The following NT5C2 variants were observed in gnomAD, a reference collection of about 807,000 sequenced individuals.
NT5C2 encodes cytosolic purine 5'-nucleotidase.
In NT5C2, 58 loss-of-function variants were observed where a neutral mutation model predicts 76.1. The ratio of observed to expected loss-of-function variants is 0.76; its 90% CI spans 0.62 to 0.95. The LOEUF (loss-of-function observed/expected upper bound fraction) is 0.95. Among genes scored for constraint, NT5C2 ranks in the 40% least tolerant of loss-of-function variants. NT5C2 has a pLI of 0.00. For synonymous variants in NT5C2, 229 were observed against 237.4 expected, an observed-to-expected ratio of 0.96 and a Z score of 0.32; for missense variants, 478 against 690.3, an observed-to-expected ratio of 0.69 and a Z score of 3.45.
At chr10:103,154,149 A>G (rs1365359342) in intron 3 of NT5C2, among the ~76,000 whole-genome samples, 2 of 152,208 alleles carry the variant, frequency 1.3e-5, no homozygotes, top group Non-Finnish European at 2.9e-5. Context: ...GCAACAGGGG[A>G]AGAAATAAAT....
intron 1 of NT5C2, among the ~76,000 whole-genome samples, chr10:103,190,323 TCA>T (rs2092541413): frequency 1.3e-5 from 2 of 152,296 alleles, no homozygotes; most frequent in Non-Finnish European, 2.9e-5. Context: ...CAGTTTTATC[TCA>T]GACTACTGCT....
intron 8 of NT5C2, chr10:103,100,667 C>A (rs2069360413): frequency 6.3e-6 from 3 of 476,606 alleles, no homozygotes; most frequent in African/African-American, 5.9e-5. Context: ...AATTACCATC[C>A]CTGAATGGCT....
chr10:103,101,138 T>C, intron 7 of NT5C2, 36 bp from the exon 8 acceptor site: 1 of 1,525,216 alleles, frequency 6.6e-7, no homozygotes, highest in Non-Finnish European at 9.1e-7. Context: ...TAAGCTATAA[T>C]GAAATAATTC....
chr10:103,170,026 G>A (rs940646994), intron 3 of NT5C2, among the ~76,000 whole-genome samples: 1 of 152,164 alleles, frequency 6.6e-6, no homozygotes, highest in Admixed American at 6.5e-5. Flanking sequence ...AGAGGCTGAA[G>A]CAGGAGAGTT....
intron 3 of NT5C2, among the ~76,000 whole-genome samples, chr10:103,172,315 C>T (rs1210546690): frequency 1.4e-5 from 2 of 142,332 alleles, no homozygotes; most frequent in South Asian, 2.2e-4. Flanking sequence ...GTGGTGTGAT[C>T]GCAGCTCACT....
At chr10:103,118,501 C>T (rs1476970167) in intron 4 of NT5C2, among the ~76,000 whole-genome samples, 4 of 151,940 alleles carry the variant, frequency 2.6e-5, no homozygotes, top group Admixed American at 6.6e-5. Flanking sequence ...GGATTACAGA[C>T]GTGCACCACG....
intron 3 of NT5C2, among the ~76,000 whole-genome samples, chr10:103,147,069 T>C (rs936825087): frequency 6.6e-6 from 1 of 152,250 alleles, no homozygotes; most frequent in African/African-American, 2.4e-5. Flanking sequence ...TGAAATTCAT[T>C]TTTATTTTAT....
At chr10:103,121,361 A>G (rs2075627522) in intron 4 of NT5C2, among the ~76,000 whole-genome samples, 2 of 152,218 alleles carry the variant, frequency 1.3e-5, no homozygotes, top group East Asian at 1.9e-4. Flanking sequence ...ATACTGCATA[A>G]TATTTCTTGC....
At chr10:103,106,484 T>G in intron 5 of NT5C2, 105 bp downstream of exon 5, 1 of 728,162 alleles carries the variant, frequency 1.4e-6, no homozygotes, top group Non-Finnish European at 2.4e-6. Context: ...TTATTCAATG[T>G]TTTGGGGGGT....
intron 4 of NT5C2, among the ~76,000 whole-genome samples, chr10:103,127,781 C>T (rs978428745): frequency 3.3e-5 from 5 of 152,158 alleles, no homozygotes; most frequent in Non-Finnish European, 7.4e-5. Context: ...TGGTCTCGAT[C>T]TCCTGACCTT....
chr10:103,189,414 T>C (rs1033893169), intron 1 of NT5C2, among the ~76,000 whole-genome samples: 8 of 152,028 alleles, frequency 5.3e-5, no homozygotes, highest in African/African-American at 1.9e-4. Context: ...GAGACCATCC[T>C]GGCCAACATG....
chr10:103,096,586 C>T (rs993832606), intron 11 of NT5C2, among the ~76,000 whole-genome samples: 1 of 152,092 alleles, frequency 6.6e-6, no homozygotes, highest in Non-Finnish European at 1.5e-5. Flanking sequence ...TGACTCACGC[C>T]TGTAATCCCA....
At chr10:103,156,226 T>C (rs1489815388) in intron 3 of NT5C2, among the ~76,000 whole-genome samples, 1 of 152,148 alleles carries the variant, frequency 6.6e-6, no homozygotes, top group Non-Finnish European at 1.5e-5. Context: ...GGGATACTGC[T>C]GTAATCTAGG....
intron 4 of NT5C2, among the ~76,000 whole-genome samples, chr10:103,135,139 G>A (rs1565130714): frequency 6.6e-6 from 1 of 152,214 alleles, no homozygotes; most frequent in Non-Finnish European, 1.5e-5. Context: ...AAGACTTTGG[G>A]GGACTGTTGG....
chr10:103,094,088 C>A, intron 13 of NT5C2, 50 bp from the exon 14 acceptor site: 1 of 1,473,946 alleles, frequency 6.8e-7, no homozygotes, highest in Non-Finnish European at 9.5e-7. Context: ...TATCACAATC[C>A]TCCCCTCACC....
At chr10:103,126,253 T>C (rs1357448305) in intron 4 of NT5C2, among the ~76,000 whole-genome samples, 4 of 152,100 alleles carry the variant, frequency 2.6e-5, no homozygotes, top group Admixed American at 6.5e-5. Flanking sequence ...CTGATACATA[T>C]CATGTGCAAA....
At chr10:103,131,075 A>T (rs2078083172) in intron 4 of NT5C2, among the ~76,000 whole-genome samples, 1 of 152,226 alleles carries the variant, frequency 6.6e-6, no homozygotes, top group South Asian at 2.1e-4. Context: ...ACAGTGTGAT[A>T]AGGATCATGA....
intron 1 of NT5C2, among the ~76,000 whole-genome samples, chr10:103,190,105 A>T (rs1259126535): frequency 6.9e-6 from 1 of 145,040 alleles, no homozygotes; most frequent in African/African-American, 2.6e-5. Flanking sequence ...GGTTCAAGCG[A>T]TTCTCCTGCC....
intron 1 of NT5C2, among the ~76,000 whole-genome samples, chr10:103,189,825 C>T (rs1204035430): frequency 6.6e-6 from 1 of 150,860 alleles, no homozygotes; most frequent in African/African-American, 2.4e-5. Context: ...GGCGCCATCA[C>T]GCCCAGCTAA....
Sources: allele counts gnomAD v4.1 joint callset (sites outside exome capture counted in the v4.1 genomes callset), GRCh38; gene constraint gnomAD v4.1.1; transcripts MANE v1.5; gene names NCBI Gene and HGNC (gene_info 2026-07-23, HGNC 2026-07-21).